VPS13B: variants seen among roughly 807,000 people sequenced by gnomAD.
VPS13B encodes intermembrane lipid transfer protein VPS13B.
A neutral mutation model predicts 426.4 loss-of-function variants in VPS13B; 285 were observed. The observed-to-expected ratio is 0.67, with a 90% CI of 0.61 to 0.74. The LOEUF (loss-of-function observed/expected upper bound fraction) is 0.74. Ranked by LOEUF, VPS13B falls within the 30% of genes least tolerant of loss-of-function variation. The pLI, the probability that VPS13B is intolerant of heterozygous loss-of-function variation, is 0.00. For synonymous variants in VPS13B, 1,676 were observed against 1,676.4 expected, an observed-to-expected ratio of 1.00 and a Z score of 0.01; for missense variants, 4,537 against 4,782.6, an observed-to-expected ratio of 0.95 and a Z score of 1.51.
At chr8:99,798,983 T>C (rs1361033307) in intron 43 of VPS13B, 1 of 152,190 alleles carries the variant, frequency 6.6e-6, no homozygotes, top group East Asian at 1.9e-4. Context: ...TACATAATGT[T>C]GTTGTCTTTA....
At chr8:99,859,262 C>T (rs1563512961) in intron 56 of VPS13B, 42 bp from the exon 57 acceptor site, 1 of 1,611,188 alleles carries the variant, frequency 6.2e-7, no homozygotes, top group Admixed American at 1.7e-5. Context: ...GAAAGTTCTG[C>T]ATTTGAGGTT....
chr8:99,099,886 T>C (rs1024993721), intron 4 of VPS13B, among the ~76,000 whole-genome samples: 3 of 152,160 alleles, frequency 2.0e-5, no homozygotes, highest in African/African-American at 7.2e-5. Flanking sequence ...TGGAGAAAGG[T>C]TGACTAGTAG....
Position 99,871,533 on chromosome 8 carries a change from G to T in VPS13B, c.11581G>T (p.Gly3861Trp). The T allele has an allele frequency of 6.2e-7, 1 of 1,614,248 alleles. No individual in the cohort carries two copies. Among genetic ancestry groups the T allele is most frequent in the Non-Finnish European group, 8.5e-7 (1 of 1,180,050 alleles). Residue 3861 changes from glycine (G) to tryptophan (W), a missense_variant, in exon 61 of 62, where the codon GGG becomes TGG. Gly to Trp is a radical substitution (Grantham distance 184). Coordinates refer to ENST00000357162, the MANE Select transcript of VPS13B (RefSeq NM_152564.5). ...LVRGSGQEHEGCLLLTSEVLF... is the reference protein window; with the variant it reads ...LVRGSGQEHEWCLLLTSEVLF... The stretch of plus-strand genomic sequence containing the variant: ...GAGGGGCTCAGGCCAGGAGCATGAA[G>T]GGTGCTTGCTGCTGACATCAGAAGT...
chr8:99,053,761 G>A (rs926280458), intron 3 of VPS13B, among the ~76,000 whole-genome samples: 2 of 150,004 alleles, frequency 1.3e-5, no homozygotes, highest in African/African-American at 2.5e-5. Flanking sequence ...GGAGTGCAGC[G>A]GTACAGTTCC....
chr8:99,507,642 T>C, intron 28 of VPS13B: 2 of 1,405,838 alleles, frequency 1.4e-6, no homozygotes, highest in African/African-American at 1.4e-5. Flanking sequence ...AGGCCATACC[T>C]AGCGGTTGCT....
At chr8:99,574,006 G>A (rs1164323268) in intron 31 of VPS13B, among the ~76,000 whole-genome samples, 1 of 152,058 alleles carries the variant, frequency 6.6e-6, no homozygotes, top group African/African-American at 2.4e-5. Context: ...TCCTTGAAGA[G>A]GTCCTTCCCA....
chr8:99,574,714 A>C (rs1297733749), intron 31 of VPS13B, among the ~76,000 whole-genome samples: 1 of 152,212 alleles, frequency 6.6e-6, no homozygotes, highest in South Asian at 2.1e-4. Context: ...TTTGGTGTCA[A>C]CTTGCCCTCC....
intron 24 of VPS13B, among the ~76,000 whole-genome samples, chr8:99,475,356 C>T (rs1198381558): frequency 6.6e-6 from 1 of 152,070 alleles, no homozygotes; most frequent in African/African-American, 2.4e-5. Context: ...TAATAGACAG[C>T]CCCCTGCTAC....
chr8:99,644,219 C>G (rs1348295758), intron 34 of VPS13B, among the ~76,000 whole-genome samples: 1 of 152,156 alleles, frequency 6.6e-6, no homozygotes. Context: ...TATATAACCT[C>G]AACCTTTGAA....
At chr8:99,473,255 A>G (rs1819506522) in intron 24 of VPS13B, among the ~76,000 whole-genome samples, 2 of 152,108 alleles carry the variant, frequency 1.3e-5, no homozygotes, top group Admixed American at 6.6e-5. Context: ...TAAGTTCTTA[A>G]CCAAATGTTA....
chr8:99,640,777 G>A (rs534835883), intron 33 of VPS13B, among the ~76,000 whole-genome samples: 2 of 152,194 alleles, frequency 1.3e-5, no homozygotes, highest in South Asian at 2.1e-4. Flanking sequence ...TGTCCCTATG[G>A]TATCATTACA....
chr8:99,292,698 A>T (rs572597517), intron 19 of VPS13B, among the ~76,000 whole-genome samples: 1 of 152,250 alleles, frequency 6.6e-6, no homozygotes, highest in Non-Finnish European at 1.5e-5. Context: ...TAATTTAGAT[A>T]TCATAAAAAA....
At chr8:99,399,319 CAA>C (rs1447205064) in intron 21 of VPS13B, among the ~76,000 whole-genome samples, 1 of 152,030 alleles carries the variant, frequency 6.6e-6, no homozygotes, top group Non-Finnish European at 1.5e-5. Context: ...AAATGATATA[CAA>C]AGTTAAAATT....
chr8:99,507,058 T>C lies in VPS13B; in HGVS notation c.4158-79T>C, dbSNP rs1348410964. ...TGCAGTGTTGTGAACTTTAGACTTA[T>C]TTGAAATAGTTATGTATGTTCAATT... On this transcript the variant is annotated intron_variant, in intron 27 of 61. Transcript: ENST00000357162. 8 of 1,503,608 alleles carry C rather than the reference T, an allele frequency of 5.3e-6. No homozygotes were observed. In the East Asian group the frequency reaches 9.0e-5, roughly 17 times the overall value. The allele number at this position is 1,503,608 out of a possible 1,614,324, so 93.1% of individuals were successfully genotyped here. A position where few individuals can be genotyped will look rare whatever the true frequency, so the allele number is the denominator to read the frequency against.
intron 19 of VPS13B, among the ~76,000 whole-genome samples, chr8:99,327,176 C>G (rs1338886778): frequency 6.6e-6 from 1 of 152,066 alleles, no homozygotes; most frequent in Non-Finnish European, 1.5e-5. Context: ...TTGATGGTGT[C>G]TTAGATAAGA....
At chr8:99,088,168 A>C (rs886635427) in intron 3 of VPS13B, among the ~76,000 whole-genome samples, 5 of 147,124 alleles carry the variant, frequency 3.4e-5, no homozygotes. Flanking sequence ...TGAGTGACAG[A>C]GTGAGACCCT....
At chr8:99,236,238 T>C (rs1475777801) in intron 17 of VPS13B, among the ~76,000 whole-genome samples, 7 of 152,016 alleles carry the variant, frequency 4.6e-5, no homozygotes, top group Non-Finnish European at 8.8e-5. Flanking sequence ...TCTAGTTCAT[T>C]TGTTGATGTC....
At chr8:99,476,735 A>C (rs1442646196) in intron 24 of VPS13B, among the ~76,000 whole-genome samples, 3 of 152,186 alleles carry the variant, frequency 2.0e-5, no homozygotes. Flanking sequence ...AAGCAAAAAT[A>C]ACTTTTATAA....
chr8:99,588,922 C>A (rs757700487), intron 33 of VPS13B, among the ~76,000 whole-genome samples: 5 of 151,040 alleles, frequency 3.3e-5, no homozygotes, highest in Non-Finnish European at 7.4e-5. Flanking sequence ...CCAGTTTTTG[C>A]CCATTCAGTG....
Sources: allele counts gnomAD v4.1 joint callset (sites outside exome capture counted in the v4.1 genomes callset), GRCh38; gene constraint gnomAD v4.1.1; transcripts MANE v1.5; gene names NCBI Gene and HGNC (gene_info 2026-07-23, HGNC 2026-07-21).